Variants in MRPS5 observed in about 807,000 individuals in gnomAD.
The protein encoded by MRPS5 is small ribosomal subunit protein uS5m.
A neutral mutation model predicts 51.9 loss-of-function variants in MRPS5; 27 were observed. The ratio of observed to expected loss-of-function variants is 0.52; its 90% confidence interval spans 0.38 to 0.72. The LOEUF (loss-of-function observed/expected upper bound fraction) is 0.72. Among genes scored for constraint, MRPS5 ranks in the 30% least tolerant of loss-of-function variants. The pLI, the probability that MRPS5 is intolerant of heterozygous loss-of-function variation, is 0.00. For synonymous variants in MRPS5, 196 were observed against 193.2 expected, an observed-to-expected ratio of 1.01 and a Z score of -0.12; for missense variants, 570 against 545.7, an observed-to-expected ratio of 1.04 and a Z score of -0.44.
chr2:95,111,729 T>C (rs1676125822), intron 3 of MRPS5, among the ~76,000 whole-genome samples: 1 of 152,230 alleles, frequency 6.6e-6, no homozygotes, highest in South Asian at 2.1e-4. Flanking sequence ...ATGTATATTC[T>C]GCCTTTTTCT....
Position 95,100,496 on chromosome 2 carries a change from G to C in MRPS5, c.909C>G (p.Ile303Met). 6.2e-7 allele frequency: 1 copy of C among 1,607,634 alleles called. No individual in the cohort carries two copies. The highest frequency in any genetic ancestry group is 8.5e-7 in the Non-Finnish European group (1 of 1,174,468). The change falls in exon 10 of 12, where the codon ATC becomes ATG. Residue 303 changes from isoleucine to methionine, a missense_variant. Transcript: ENST00000272418. ...DISLRFKRTH[I>M]KMKKQPKGYG... Reference sequence around the variant, plus strand: ...TACCTTTGGGTTGTTTCTTCATCTTGATATGCGTCCTTTTAAATCTTAATG... The same window carrying C: ...TACCTTTGGGTTGTTTCTTCATCTTCATATGCGTCCTTTTAAATCTTAATG...
chr2:95,116,836 A>C (rs1676297732), intron 2 of MRPS5, among the ~76,000 whole-genome samples: 1 of 152,228 alleles, frequency 6.6e-6, no homozygotes, highest in Non-Finnish European at 1.5e-5. Flanking sequence ...GTCTCTACTA[A>C]AAATACAAAA....
At chr2:95,117,278 T>C (rs1676312044) in intron 2 of MRPS5, among the ~76,000 whole-genome samples, 2 of 152,018 alleles carry the variant, frequency 1.3e-5, no homozygotes, top group Non-Finnish European at 2.9e-5. Context: ...TGATCAGTGA[T>C]GTGTTTGAGA....
rs758153822 is a variant in MRPS5 at position 95,117,956 on chromosome 2, G to T, written c.59-11C>A. 4 of 1,373,488 alleles carry T rather than the reference G, an allele frequency of 2.9e-6. No homozygotes were observed. In the Admixed American group the frequency reaches 7.0e-5, roughly 24 times the overall value. The allele number at this position is 1,373,488 out of a possible 1,614,324, so 85.1% of individuals were successfully genotyped here. ...TCCCCAATAAATGACCTGCAAATTGGAAAAAAAAAAATTTAAGATACATTT... is the reference window on the plus strand; with the variant it reads ...TCCCCAATAAATGACCTGCAAATTGTAAAAAAAAAAATTTAAGATACATTT... On this transcript the variant is annotated splice_polypyrimidine_tract_variant and intron_variant, in intron 1 of 11. Transcript: ENST00000272418.
chr2:95,117,750 AAAAAG>A, intron 2 of MRPS5, 110 bp downstream of exon 2: 1 of 861,534 alleles, frequency 1.2e-6, no homozygotes, highest in African/African-American at 1.7e-5. Context: ...TAAAAAATGA[AAAAAG>A]AAAAGAGAGA....
intron 11 of MRPS5, among the ~76,000 whole-genome samples, chr2:95,087,950 T>A (rs1319557493): frequency 7.0e-6 from 1 of 142,130 alleles, no homozygotes; most frequent in African/African-American, 2.7e-5. Flanking sequence ...CTAAGGACCC[T>A]ACAGGTATTT....
rs1676333553 is a variant in MRPS5, at chr2:95,117,935, C to G, written c.69G>C (p.Leu23Phe). Residue 23 changes from leucine (L) to phenylalanine (F), a missense_variant, in exon 2 of 12, where the codon TTG becomes TTC. Transcript: ENST00000272418. Reference protein sequence around the residue: ...VLCSGTAGHLLGRQCSLNTLP... With the variant: ...VLCSGTAGHLFGRQCSLNTLP... ...AGGTGTTTAGGGAACACTGCCTCCC[C>G]AATAAATGACCTGCAAATTGGAAAA... 6.3e-7 allele frequency: 1 copy of G among 1,594,852 alleles called. No homozygotes were observed. The highest frequency in any genetic ancestry group is 8.5e-7 in the Non-Finnish European group (1 of 1,175,338).
At chr2:95,116,943 C>T (rs980412357) in intron 2 of MRPS5, among the ~76,000 whole-genome samples, 1 of 152,036 alleles carries the variant, frequency 6.6e-6, no homozygotes, top group African/African-American at 2.4e-5. Flanking sequence ...GAGTTCAAGA[C>T]CAGCCTAGCC....
intron 10 of MRPS5, chr2:95,093,818 C>G (rs981597926): frequency 6.6e-6 from 1 of 152,220 alleles, no homozygotes; most frequent in African/African-American, 2.4e-5. Flanking sequence ...AACCAGAGCG[C>G]CTCTTCTCCA....
chr2:95,121,320 C>G (rs1255797196), intron 1 of MRPS5, among the ~76,000 whole-genome samples: 1 of 152,130 alleles, frequency 6.6e-6, no homozygotes, highest in African/African-American at 2.4e-5. Context: ...TAAAATTGAG[C>G]AAACAGAAAA....
intron 11 of MRPS5, among the ~76,000 whole-genome samples, chr2:95,088,215 T>C (rs577185394): frequency 6.6e-6 from 1 of 152,342 alleles, no homozygotes; most frequent in Non-Finnish European, 1.5e-5. Context: ...AAGTTACTGT[T>C]AACTTTTTAG....
Position 95,104,809 on chromosome 2 carries a change from C to T in MRPS5, c.673-79G>A, listed in dbSNP as rs533142307. The T allele has an allele frequency of 7.2e-6, 9 of 1,255,312 alleles. No individual in the cohort carries two copies. In the East Asian group the frequency reaches 1.4e-4, roughly 20 times the overall value. 77.8% of individuals were successfully genotyped at this position (1,255,312 alleles called of 1,614,324 possible). ...GAACTGGAGGGAGCCGCCTTCCTTGCAGGCATACACGGTGAACAGGCACAC... is the reference window on the plus strand; with the variant it reads ...GAACTGGAGGGAGCCGCCTTCCTTGTAGGCATACACGGTGAACAGGCACAC... On this transcript the variant is annotated intron_variant, in intron 6 of 11. Transcript: ENST00000272418.
chr2:95,119,522 G>A (rs1676380671), intron 1 of MRPS5, among the ~76,000 whole-genome samples: 1 of 151,996 alleles, frequency 6.6e-6, no homozygotes, highest in Non-Finnish European at 1.5e-5. Flanking sequence ...TGAAGTGGGA[G>A]GGTCACCCGA....
chr2:95,109,596 C>T (rs1443648557), intron 4 of MRPS5, among the ~76,000 whole-genome samples: 2 of 152,246 alleles, frequency 1.3e-5, no homozygotes, highest in Non-Finnish European at 2.9e-5. Context: ...TTACTATCTT[C>T]CCTTTGCAGG....
chr2:95,094,080 G>A (rs1292664639), intron 10 of MRPS5, among the ~76,000 whole-genome samples: 2 of 152,128 alleles, frequency 1.3e-5, no homozygotes, highest in East Asian at 1.9e-4. Context: ...CGAGAACTAC[G>A]TGATGCATGC....
intron 7 of MRPS5, chr2:95,104,227 TTG>T (rs1399436399): frequency 8.0e-5 from 14 of 175,936 alleles, no homozygotes; most frequent in Non-Finnish European, 1.2e-4. Context: ...TATAACGTTT[TTG>T]TGTTTTTTTT....
chr2:95,114,704 T>C (rs1473776293), intron 3 of MRPS5, among the ~76,000 whole-genome samples: 3 of 152,214 alleles, frequency 2.0e-5, no homozygotes, highest in African/African-American at 7.2e-5. Flanking sequence ...TAGTGAACAA[T>C]ATCTCCTTAC....
At chr2:95,098,885 G>T (rs1310394588) in intron 10 of MRPS5, among the ~76,000 whole-genome samples, 1 of 150,114 alleles carries the variant, frequency 6.7e-6, no homozygotes, top group Non-Finnish European at 1.5e-5. Context: ...AACATATGGG[G>T]ACCTTGCCAG....
intron 11 of MRPS5, among the ~76,000 whole-genome samples, chr2:95,087,989 AAAAC>A (rs767923013): frequency 3.1e-4 from 47 of 150,462 alleles, no homozygotes; most frequent in Non-Finnish European, 6.1e-4. Context: ...GAAGCACTAC[AAAAC>A]AAACAACCTG....
Sources: gnomAD v4.1 joint callset for allele counts (sites outside exome capture counted in the v4.1 genomes callset) on GRCh38, gnomAD v4.1.1 for gene constraint, MANE v1.5 for transcripts, NCBI Gene and HGNC (gene_info 2026-07-23, HGNC 2026-07-21) for gene names.